Variants in CNTN4 observed in about 807,000 individuals in gnomAD.
The protein encoded by CNTN4 is contactin-4.
A neutral mutation model predicts 122.5 loss-of-function variants in CNTN4; 77 were observed. The ratio of observed to expected loss-of-function variants is 0.63; its 90% CI spans 0.52 to 0.76. CNTN4 has a LOEUF of 0.76. CNTN4 is among the 30% of genes least tolerant of loss of function. The pLI, the probability that CNTN4 is intolerant of heterozygous loss-of-function variation, is 0.00. For synonymous variants in CNTN4, 512 were observed against 447.0 expected (o/e 1.15, Z -1.83); for missense variants, 1,256 against 1,259.1 (o/e 1.00, Z 0.04).
chr3:2,917,091 G>C, intron 12 of CNTN4, among the ~76,000 whole-genome samples: 1 of 132,940 alleles, frequency 7.5e-6, no homozygotes, highest in Non-Finnish European at 1.6e-5. Context: ...CTCGCGGTTA[G>C]GAGCTGGAGA....
rs538312383 is a variant in CNTN4 at position 2,682,790 on chromosome 3, G to T, written c.56-53425G>T. 2.0e-5 allele frequency among the ~76,000 whole-genome samples: 3 copies of T among 152,154 alleles called. No individual in the cohort carries two copies. In the South Asian group the frequency reaches 6.2e-4, roughly 32 times the overall value. The stretch of plus-strand genomic sequence containing the variant: ...TCATATCATGAGTCCATTTCCAGTG[G>T]CCTGCCTTTTAGCTATTATTAGTCA... On this transcript the variant is annotated intron_variant, in intron 4 of 24. Coordinates refer to ENST00000418658, the MANE Select transcript of CNTN4 (RefSeq NM_175607.3).
chr3:2,347,462 T>A (rs1466812794), intron 3 of CNTN4, among the ~76,000 whole-genome samples: 1 of 138,504 alleles, frequency 7.2e-6, no homozygotes, highest in Non-Finnish European at 1.5e-5. Flanking sequence ...CAGTCTGGAG[T>A]GCAGTGGCAC....
At chr3:2,745,020 C>G (rs934535076) in intron 5 of CNTN4, among the ~76,000 whole-genome samples, 3 of 152,312 alleles carry the variant, frequency 2.0e-5, no homozygotes, top group Admixed American at 6.5e-5. Context: ...ATCAATAGTT[C>G]CTCTGCTTTG....
chr3:2,318,096 C>T (rs1251315658), intron 2 of CNTN4, among the ~76,000 whole-genome samples: 1 of 151,902 alleles, frequency 6.6e-6, no homozygotes, highest in African/African-American at 2.4e-5. Flanking sequence ...CCTGTAGTTC[C>T]AGCTACTTGG....
rs150076649 is a variant in CNTN4 at position 2,470,765 on chromosome 3, A to G, written c.-88-100651A>G. Among the ~76,000 whole-genome samples the G allele has an allele frequency of 7.4e-4, 112 of 152,330 alleles. No individual in the cohort carries two copies. The East Asian group carries it at 0.02, about 27-fold the overall frequency. On this transcript the variant is annotated intron_variant, in intron 3 of 24. Transcript: ENST00000418658. ...ACCTGGCCTGCCTCTCGTTTTAGGA[A>G]TATAGCATACTTAGAGTTATGCCTG...
chr3:2,340,704 T>TAGAGAGAGAGAGAGAGAGAGAGAGGGGG (rs1211078887), intron 3 of CNTN4, among the ~76,000 whole-genome samples: 2 of 17,810 alleles, frequency 1.1e-4, no homozygotes, highest in Non-Finnish European at 3.7e-4. Flanking sequence ...TATATATATA[T>TAGAGAGAGAGAGAGAGAGAGAGAGGGGG]ATATATAGAG....
intron 7 of CNTN4, among the ~76,000 whole-genome samples, chr3:2,859,765 A>G (rs962418006): frequency 1.3e-5 from 2 of 152,170 alleles, no homozygotes; most frequent in Non-Finnish European, 1.5e-5. Context: ...CTATTTTGTC[A>G]TATACTCATA....
intron 2 of CNTN4, among the ~76,000 whole-genome samples, chr3:2,222,644 A>G (rs911070916): frequency 2.0e-5 from 3 of 152,102 alleles, no homozygotes; most frequent in Admixed American, 6.6e-5. Context: ...ATAAGAATTT[A>G]TACGCACAAC....
rs995671390 is a variant in CNTN4, at chr3:2,767,106, A to T, written c.358+21409A>T. Among the ~76,000 whole-genome samples, 4 of 152,370 alleles carry T rather than the reference A, an allele frequency of 2.6e-5. No homozygotes were observed. The South Asian group carries it at 6.2e-4, about 24-fold the overall frequency. ...AGTTTTTTTATTAGATCTCAAAAAA[A>T]ATATACCAGGCTAATAAGTCATTCC... is the stretch of plus-strand genomic sequence containing the variant. On this transcript the variant is annotated intron_variant, in intron 6 of 24. Transcript: ENST00000418658.
At chr3:2,495,379 C>T (rs2076426440) in intron 3 of CNTN4, among the ~76,000 whole-genome samples, 1 of 152,198 alleles carries the variant, frequency 6.6e-6, no homozygotes, top group African/African-American at 2.4e-5. Context: ...ACCATTAAAT[C>T]CCCAGCCATT....
intron 3 of CNTN4, among the ~76,000 whole-genome samples, chr3:2,379,443 T>C (rs2045938124): frequency 6.6e-6 from 1 of 152,190 alleles, no homozygotes; most frequent in South Asian, 2.1e-4. Flanking sequence ...TAGATAACTT[T>C]ATTAATTGAG....
At chr3:2,397,494 T>C (rs1427347567) in intron 3 of CNTN4, among the ~76,000 whole-genome samples, 2 of 149,330 alleles carry the variant, frequency 1.3e-5, no homozygotes, top group Non-Finnish European at 3.0e-5. Context: ...AGGTGCAAGT[T>C]TTTTTTTTTA....
intron 2 of CNTN4, among the ~76,000 whole-genome samples, chr3:2,286,356 T>C (rs759491432): frequency 2.6e-5 from 4 of 151,462 alleles, no homozygotes; most frequent in Non-Finnish European, 5.9e-5. Flanking sequence ...GAAATTCTCT[T>C]TTTTTTAAGT....
At chr3:2,388,766 A>G (rs1326532096) in intron 3 of CNTN4, among the ~76,000 whole-genome samples, 1 of 152,038 alleles carries the variant, frequency 6.6e-6, no homozygotes, top group Admixed American at 6.6e-5. Flanking sequence ...AATCGCTTCA[A>G]CCTGGGAGGT....
At chr3:2,159,193 T>G (rs578044953) in intron 2 of CNTN4, among the ~76,000 whole-genome samples, 1 of 152,306 alleles carries the variant, frequency 6.6e-6, no homozygotes, top group Non-Finnish European at 1.5e-5. Flanking sequence ...TACTGTATAC[T>G]TTTGACCAGA....
chr3:2,990,362 A>G (rs1479896014), intron 14 of CNTN4, among the ~76,000 whole-genome samples: 1 of 152,242 alleles, frequency 6.6e-6, no homozygotes, highest in African/African-American at 2.4e-5. Context: ...AATAATTAGC[A>G]TAGAGAAGTG....
At position 2,819,514 on chromosome 3, in the gene CNTN4, A is replaced by G. The variant is rs2092815900; in HGVS notation, c.387A>G (p.Arg129=). 4 of 1,614,038 alleles carry G rather than the reference A, an allele frequency of 2.5e-6. No individual in the cohort carries two copies. Among genetic ancestry groups the G allele is most frequent in the African/African-American group, 1.3e-5 (1 of 74,936 alleles). ...AYLDNFKTRT[R]STVSVRRGQG... ...TTGACAACTTTAAAACAAGAACAAG[A>G]AGCACTGTGTCTGTCCGTCGAGGTC... The change falls in exon 7 of 25, where the codon AGA becomes AGG. Residue 129 remains arginine, a synonymous_variant. Coordinates refer to ENST00000418658, the MANE Select transcript of CNTN4 (RefSeq NM_175607.3).
chr3:2,805,591 A>G (rs1576861652), intron 6 of CNTN4, among the ~76,000 whole-genome samples: 1 of 152,176 alleles, frequency 6.6e-6, no homozygotes, highest in African/African-American at 2.4e-5. Flanking sequence ...CTCTCATGAG[A>G]ATCCAGTTGT....
intron 2 of CNTN4, among the ~76,000 whole-genome samples, chr3:2,246,592 A>G (rs893878294): frequency 2.0e-5 from 3 of 152,046 alleles, no homozygotes; most frequent in South Asian, 4.1e-4. Context: ...TTGTTGATTT[A>G]TTACACATAT....
Sources: gnomAD v4.1 joint callset for allele counts (sites outside exome capture counted in the v4.1 genomes callset) on GRCh38, gnomAD v4.1.1 for gene constraint, MANE v1.5 for transcripts, NCBI Gene and HGNC (gene_info 2026-07-23, HGNC 2026-07-21) for gene names.